The following CRYBG1 variants were observed in gnomAD, a reference collection of about 807,000 sequenced individuals.
The protein encoded by CRYBG1 is beta/gamma crystallin domain-containing protein 1.
Under a neutral mutation model 189.2 loss-of-function variants are expected in CRYBG1, and 139 were observed. That is an observed-to-expected ratio of 0.73 (90% confidence interval 0.64 to 0.85). CRYBG1 has a LOEUF of 0.85. Among genes scored for constraint, CRYBG1 ranks in the 40% least tolerant of loss-of-function variants. The pLI, the probability that CRYBG1 is intolerant of heterozygous loss-of-function variation, is 0.00. For missense variants in CRYBG1, 2,611 were observed against 2,675.8 expected (o/e 0.98, Z 0.53); for synonymous variants, 1,023 against 1,017.1 (o/e 1.01, Z -0.11).
chr6:106,386,269 C>T (rs906781416), intron 1 of CRYBG1, among the ~76,000 whole-genome samples: 1 of 152,210 alleles, frequency 6.6e-6, no homozygotes, highest in Non-Finnish European at 1.5e-5. Flanking sequence ...TTCAAAGAAG[C>T]TCTCCAGTGA....
intron 2 of CRYBG1, among the ~76,000 whole-genome samples, chr6:106,478,014 C>A (rs1430503466): frequency 1.3e-5 from 2 of 152,218 alleles, no homozygotes; most frequent in Non-Finnish European, 2.9e-5. Context: ...CTGTTGTTCT[C>A]CCTGGCAAGG....
At chr6:106,372,652 C>T (rs535367075) in intron 1 of CRYBG1, among the ~76,000 whole-genome samples, 1 of 152,322 alleles carries the variant, frequency 6.6e-6, no homozygotes, top group East Asian at 1.9e-4. Flanking sequence ...ATGGGTGTGG[C>T]ATGCGGGAAT....
chr6:106,523,473 T>C (rs572159460), intron 4 of CRYBG1, among the ~76,000 whole-genome samples: 4 of 152,272 alleles, frequency 2.6e-5, no homozygotes, highest in South Asian at 4.1e-4. Flanking sequence ...AGTTTCCCTA[T>C]GAAAATCAAG....
intron 2 of CRYBG1, among the ~76,000 whole-genome samples, chr6:106,471,772 G>T (rs1772237167): frequency 7.1e-6 from 1 of 140,374 alleles, no homozygotes; most frequent in East Asian, 2.4e-4. Context: ...GGGTGTTTTA[G>T]CTCTATTAAG....
intron 1 of CRYBG1, among the ~76,000 whole-genome samples, chr6:106,385,829 G>A (rs1372438064): frequency 6.6e-6 from 1 of 152,144 alleles, no homozygotes; most frequent in Non-Finnish European, 1.5e-5. Flanking sequence ...AACGTTCTTA[G>A]CAGCAGGCAG....
chr6:106,517,587 C>CT (rs1773470573), intron 3 of CRYBG1, among the ~76,000 whole-genome samples: 1 of 151,606 alleles, frequency 6.6e-6, no homozygotes. Flanking sequence ...AAAACAGATA[C>CT]TAGGAGTGAT....
chr6:106,370,347 T>C (rs1270302329), intron 1 of CRYBG1, among the ~76,000 whole-genome samples: 2 of 152,200 alleles, frequency 1.3e-5, no homozygotes, highest in Admixed American at 1.3e-4. Flanking sequence ...AGGTCAGAGA[T>C]AAGTGGTAGA....
At chr6:106,563,740 T>C in intron 20 of CRYBG1, 24 bp from the exon 21 acceptor site, 2 of 1,584,282 alleles carry the variant, frequency 1.3e-6, no homozygotes, top group Non-Finnish European at 1.7e-6. Flanking sequence ...ATATTTAAGA[T>C]ATCTGGTCTT....
At chr6:106,508,917 CAA>C (rs67365041) in intron 2 of CRYBG1, among the ~76,000 whole-genome samples, 16,893 of 143,086 alleles carry the variant, frequency 0.12, 1,224 homozygotes, top group African/African-American at 0.22. Flanking sequence ...ATCTAATAGC[CAA>C]AAAAAAAAAA....
At chr6:106,560,711 G>A in intron 18 of CRYBG1, 92 bp from the exon 19 acceptor site, 1 of 1,425,392 alleles carries the variant, frequency 7.0e-7, no homozygotes. Flanking sequence ...ATATAGTTCA[G>A]TCTAGAAATG....
In CRYBG1 at chr6:106,511,553, G is replaced by A. The variant is rs1358186418; in HGVS notation, c.436G>A (p.Ala146Thr). 1 of 1,535,790 alleles carries A rather than the reference G, an allele frequency of 6.5e-7. No individual in the cohort carries two copies. Among genetic ancestry groups the A allele is most frequent in the Non-Finnish European group, 8.7e-7 (1 of 1,146,690 alleles). Residue 146 changes from alanine to threonine, a missense_variant, in exon 3 of 22, where the codon GCC becomes ACC. Physicochemically the swap from Ala to Thr is moderately conservative, Grantham distance 58. This residue lies in a region of CRYBG1 where 985 missense variants were observed against 924.4 expected (regional missense o/e 1.07). Coordinates refer to ENST00000633556, the MANE Select transcript of CRYBG1 (RefSeq NM_001371242.2). ...NGLESPTRSN[A>T]KPLSPKDVVA... is the part of the protein sequence containing the mutation. ...GTTAGAGAGTCCCACCAGATCAAATGCCAAACCACTCTCTCCCAAAGATGT... is the reference window on the plus strand; with the variant it reads ...GTTAGAGAGTCCCACCAGATCAAATACCAAACCACTCTCTCCCAAAGATGT...
Position 106,558,479 on chromosome 6 carries a change from T to C in CRYBG1, c.5716-7T>C, listed in dbSNP as rs200792131. The stretch of plus-strand genomic sequence containing the variant: ...AATAACAGAACATTGTTTTTGTTCC[T>C]CAACAGGAATTTTCTGAACCAACAA... On this transcript the variant is annotated splice_polypyrimidine_tract_variant and splice_region_variant and intron_variant, in intron 17 of 21. Coordinates refer to ENST00000633556, the MANE Select transcript of CRYBG1 (RefSeq NM_001371242.2). 3.2e-6 allele frequency: 5 copies of C among 1,576,370 alleles called. No homozygotes were observed. In the East Asian group the frequency reaches 9.0e-5, roughly 28 times the overall value.
intron 2 of CRYBG1, among the ~76,000 whole-genome samples, chr6:106,479,739 T>C (rs1158378849): frequency 2.0e-5 from 3 of 152,244 alleles, no homozygotes; most frequent in South Asian, 2.1e-4. Flanking sequence ...GAAATGTCTA[T>C]TGAAATTATT....
Position 106,451,741 on chromosome 6 carries a change from A to G in CRYBG1, c.221A>G (p.Glu74Gly). 1 of 1,534,830 alleles carries G rather than the reference A, an allele frequency of 6.5e-7. No individual in the cohort carries two copies. Among genetic ancestry groups the G allele is most frequent in the Non-Finnish European group, 8.7e-7 (1 of 1,146,416 alleles). Residue 74 changes from glutamate to glycine, a missense_variant, in exon 2 of 22, where the codon GAA becomes GGA. By Grantham distance (98) the Glu-to-Gly change is moderately conservative (BLOSUM62 -2). Transcript: ENST00000633556. ...DGKYVVRDSQ[E>G]FPLHCGESQF... ...AAATATGTGGTTCGAGACTCCCAGG[A>G]ATTTCCACTGCACTGTGGGGAATCC... is the stretch of plus-strand genomic sequence containing the variant.
Position 106,360,757 on chromosome 6 carries a change from G to A in CRYBG1, c.-152G>A. 1.1e-6 allele frequency: 1 copy of A among 881,038 alleles called. No individual in the cohort carries two copies. The highest frequency in any genetic ancestry group is 1.9e-5 in the South Asian group (1 of 52,370). 54.6% of individuals were successfully genotyped at this position (881,038 alleles called of 1,614,324 possible). ...GCGCTGGGTGCTGGTTCTGCAACCC[G>A]CGGCCGTCCCCCCGCATCCGCGACG... is the stretch of plus-strand genomic sequence containing the variant. On this transcript the variant is annotated 5_prime_UTR_variant, in exon 1 of 22. Transcript: ENST00000633556.
At chr6:106,362,137 T>G (rs1582720041) in intron 1 of CRYBG1, among the ~76,000 whole-genome samples, 1 of 17,390 alleles carries the variant, frequency 5.8e-5, no homozygotes, top group Admixed American at 5.5e-4. Context: ...GCCCGGCTAA[T>G]TTTTTGTATT....
At chr6:106,451,160 G>C (rs180888220) in intron 1 of CRYBG1, among the ~76,000 whole-genome samples, 1 of 152,184 alleles carries the variant, frequency 6.6e-6, no homozygotes. Context: ...GCAACCATCA[G>C]AGTCTGTAAA....
At position 106,527,429 on chromosome 6, in the gene CRYBG1, G is replaced by A. The variant is rs751496015; in HGVS notation, c.4537G>A (p.Asp1513Asn). 11 of 1,613,480 alleles carry A rather than the reference G, an allele frequency of 6.8e-6. No homozygotes were observed. Among genetic ancestry groups the A allele is most frequent in the Admixed American group, 1.7e-5 (1 of 59,976 alleles). The part of the protein sequence containing the change: ...ILERHEEAES[D>N]KPVVIGSIRH... ...GGAAAGGCACGAAGAAGCAGAGTCTGATAAGCCAGTGGTGATTGGTTCCAT... is the reference window on the plus strand; with the variant it reads ...GGAAAGGCACGAAGAAGCAGAGTCTAATAAGCCAGTGGTGATTGGTTCCAT... Residue 1513 changes from aspartate (D) to asparagine (N), a missense_variant, in exon 7 of 22, where the codon GAT becomes AAT. By Grantham distance (23) the Asp-to-Asn change is conservative (BLOSUM62 1). Transcript: ENST00000633556.
intron 16 of CRYBG1, among the ~76,000 whole-genome samples, chr6:106,555,313 G>A (rs1200284362): frequency 6.6e-6 from 1 of 151,516 alleles, no homozygotes; most frequent in Admixed American, 6.6e-5. Flanking sequence ...TTTGACTCCT[G>A]GCCCAGTGCA....
Sources: gnomAD v4.1 joint callset for allele counts (sites outside exome capture counted in the v4.1 genomes callset) on GRCh38, gnomAD v4.1.1 for gene constraint, gnomAD v4.1.1 regional missense constraint, MANE v1.5 for transcripts, NCBI Gene and HGNC (gene_info 2026-07-23, HGNC 2026-07-21) for gene names.